Variants in ST6GALNAC3 observed in about 807,000 individuals in gnomAD.
The protein encoded by ST6GALNAC3 is ST6 N-acetylgalactosaminide alpha-2,6-sialyltransferase 3.
Under a neutral mutation model 32.7 loss-of-function variants are expected in ST6GALNAC3, and 25 were observed. The ratio of observed to expected loss-of-function variants is 0.76; its 90% confidence interval spans 0.56 to 1.07. The LOEUF is 1.07. Among genes scored for constraint, ST6GALNAC3 ranks in the 50% least tolerant of loss-of-function variants. The pLI is 0.00. For missense variants in ST6GALNAC3, 355 were observed against 382.4 expected, an observed-to-expected ratio of 0.93 and a Z score of 0.60; for synonymous variants, 129 against 133.1, an observed-to-expected ratio of 0.97 and a Z score of 0.21.
intron 1 of ST6GALNAC3, among the ~76,000 whole-genome samples, chr1:76,171,835 G>GA (rs1652529136): frequency 1.8e-4 from 25 of 140,580 alleles, no homozygotes; most frequent in African/African-American, 5.2e-4. Context: ...AAAAAAACAA[G>GA]AAAAAAAACA....
At chr1:76,081,190 G>T (rs531906450) in intron 1 of ST6GALNAC3, among the ~76,000 whole-genome samples, 1 of 151,942 alleles carries the variant, frequency 6.6e-6, no homozygotes, top group Non-Finnish European at 1.5e-5. Context: ...TGTAAAGCAG[G>T]GGTGTTCAAA....
At chr1:76,518,115 C>T (rs384044) in intron 3 of ST6GALNAC3, among the ~76,000 whole-genome samples, 86,181 of 151,704 alleles carry the variant, frequency 0.57, 24,944 homozygotes, top group African/African-American at 0.68. Flanking sequence ...CAACAGTGAA[C>T]TTGTTTATTT....
intron 1 of ST6GALNAC3, among the ~76,000 whole-genome samples, chr1:76,240,560 A>G (rs1656903869): frequency 6.6e-6 from 1 of 152,178 alleles, no homozygotes; most frequent in Non-Finnish European, 1.5e-5. Flanking sequence ...AGTCTTGGCC[A>G]TTAACTTCCT....
chr1:76,255,548 C>T (rs758739500), intron 1 of ST6GALNAC3, among the ~76,000 whole-genome samples: 5 of 152,060 alleles, frequency 3.3e-5, no homozygotes, highest in African/African-American at 7.2e-5. Flanking sequence ...TCAGCCCTTG[C>T]GTATATTTTG....
At chr1:76,084,639 T>G (rs1646941477) in intron 1 of ST6GALNAC3, among the ~76,000 whole-genome samples, 1 of 152,248 alleles carries the variant, frequency 6.6e-6, no homozygotes, top group South Asian at 2.1e-4. Context: ...TTTTTACTGC[T>G]TATTTCTGTG....
At chr1:76,369,730 A>G (rs1200719727) in intron 2 of ST6GALNAC3, among the ~76,000 whole-genome samples, 1 of 152,210 alleles carries the variant, frequency 6.6e-6, no homozygotes, top group African/African-American at 2.4e-5. Context: ...AAGGAGGGGT[A>G]GAAAACACAT....
chr1:76,426,121 T>G (rs1203581790), intron 3 of ST6GALNAC3, among the ~76,000 whole-genome samples: 1 of 151,686 alleles, frequency 6.6e-6, no homozygotes, highest in Non-Finnish European at 1.5e-5. Flanking sequence ...AAGAGAGCCC[T>G]TTTTTGACAA....
intron 3 of ST6GALNAC3, among the ~76,000 whole-genome samples, chr1:76,475,162 G>T (rs1659270160): frequency 6.6e-6 from 1 of 152,134 alleles, no homozygotes; most frequent in African/African-American, 2.4e-5. Context: ...TGCAATATTT[G>T]CAAGAAGAGC....
chr1:76,457,466 A>G (rs1014071584), intron 3 of ST6GALNAC3, among the ~76,000 whole-genome samples: 4 of 152,096 alleles, frequency 2.6e-5, no homozygotes, highest in African/African-American at 9.7e-5. Flanking sequence ...CTACAAGGCT[A>G]TACTATACTA....
chr1:76,141,535 T>G (rs1650320675), intron 1 of ST6GALNAC3, among the ~76,000 whole-genome samples: 1 of 151,306 alleles, frequency 6.6e-6, no homozygotes, highest in Admixed American at 6.6e-5. Flanking sequence ...TAGCATGTAG[T>G]TTTTTTTTAA....
At position 76,630,196 on chromosome 1, in the gene ST6GALNAC3, G is replaced by C; in HGVS notation, c.*1390G>C. 1.0e-6 allele frequency: 1 copy of C among 985,140 alleles called. No homozygotes were observed. Among genetic ancestry groups the C allele is most frequent in the East Asian group, 1.1e-4 (1 of 8,806 alleles). The allele number at this position is 985,140 out of a possible 1,614,324, so 61.0% of individuals were successfully genotyped here. A position where few individuals can be genotyped will look rare whatever the true frequency, so the allele number is the denominator to read the frequency against. ...TATAGAATAGAATTTATGTAAACTAGTAACCAGTTGATCTCTGTGCCAAAT... is the reference window on the plus strand; with the variant it reads ...TATAGAATAGAATTTATGTAAACTACTAACCAGTTGATCTCTGTGCCAAAT... On this transcript the variant is annotated 3_prime_UTR_variant, in exon 5 of 5. Coordinates refer to ENST00000328299, the MANE Select transcript of ST6GALNAC3 (RefSeq NM_152996.4).
intron 1 of ST6GALNAC3, among the ~76,000 whole-genome samples, chr1:76,291,893 T>C (rs2100819733): frequency 6.6e-6 from 1 of 152,344 alleles, no homozygotes; most frequent in East Asian, 1.9e-4. Context: ...CTTATAATGA[T>C]TAAACCAGAA....
intron 1 of ST6GALNAC3, among the ~76,000 whole-genome samples, chr1:76,248,981 A>T (rs1380035102): frequency 6.6e-6 from 1 of 152,244 alleles, no homozygotes; most frequent in African/African-American, 2.4e-5. Context: ...GATACTCTTT[A>T]GACTAGTGTT....
intron 3 of ST6GALNAC3, among the ~76,000 whole-genome samples, chr1:76,480,411 T>G (rs909611091): frequency 1.3e-5 from 2 of 152,166 alleles, no homozygotes; most frequent in African/African-American, 4.8e-5. Flanking sequence ...GATTTTAAGT[T>G]TCCTTTAACT....
intron 3 of ST6GALNAC3, among the ~76,000 whole-genome samples, chr1:76,501,516 A>T (rs1661175416): frequency 6.6e-6 from 1 of 152,112 alleles, no homozygotes; most frequent in African/African-American, 2.4e-5. Flanking sequence ...AGAGGAGGTC[A>T]GTTTGTGGAA....
At chr1:76,605,792 G>C (rs1647495507) in intron 3 of ST6GALNAC3, among the ~76,000 whole-genome samples, 1 of 143,906 alleles carries the variant, frequency 6.9e-6, no homozygotes, top group Non-Finnish European at 1.5e-5. Flanking sequence ...TTGAACCCAA[G>C]TGGCAGAGGT....
Position 76,275,222 on chromosome 1 carries a change from A to G in ST6GALNAC3, c.19-38583A>G, listed in dbSNP as rs535562376. On this transcript the variant is annotated intron_variant, in intron 1 of 4. Transcript: ENST00000328299. The stretch of plus-strand genomic sequence containing the variant: ...GCACAAGTTGTAGCACACAACATTT[A>G]AACCTGTATGAGCATGAAACCCTTC... 4.6e-5 allele frequency among the ~76,000 whole-genome samples: 7 copies of G among 152,358 alleles called. No individual in the cohort carries two copies. The South Asian group carries it at 1.0e-3, about 23-fold the overall frequency.
In ST6GALNAC3 at chr1:76,617,298, A is replaced by G. The variant is rs528458690; in HGVS notation, c.624-10154A>G. 2.4e-3 allele frequency among the ~76,000 whole-genome samples: 371 copies of G among 152,292 alleles called. 3 individuals are homozygous for G. The highest frequency in any genetic ancestry group is 4.0e-3 in the Non-Finnish European group (269 of 68,016). On this transcript the variant is annotated intron_variant, in intron 3 of 4. Transcript: ENST00000328299. Reference sequence around the variant, plus strand: ...AAGTGAGTCATTTCATTTCTCCTCTAAAAACTAAAGTGTCAGGAAAAGTTC... The same window carrying G: ...AAGTGAGTCATTTCATTTCTCCTCTGAAAACTAAAGTGTCAGGAAAAGTTC...
chr1:76,157,311 C>A (rs1472069176), intron 1 of ST6GALNAC3, among the ~76,000 whole-genome samples: 2 of 152,196 alleles, frequency 1.3e-5, no homozygotes, highest in African/African-American at 4.8e-5. Context: ...ATCATTCTAG[C>A]CTTCCCCCTT....
Sources: allele counts gnomAD v4.1 joint callset (sites outside exome capture counted in the v4.1 genomes callset), GRCh38; gene constraint gnomAD v4.1.1; transcripts MANE v1.5; gene names NCBI Gene and HGNC (gene_info 2026-07-23, HGNC 2026-07-21).